MAPK10: variants seen among roughly 807,000 people sequenced by gnomAD.
MAPK10 encodes mitogen-activated protein kinase 10.
In MAPK10, 25 loss-of-function variants were observed where a neutral mutation model predicts 59.3. The ratio of observed to expected loss-of-function variants is 0.42; its 90% CI spans 0.31 to 0.59. MAPK10 has a LOEUF of 0.59. Among genes scored for constraint, MAPK10 ranks in the 20% least tolerant of loss-of-function variants. The pLI is 0.15. For synonymous variants in MAPK10, 190 were observed against 200.5 expected (o/e 0.95, Z 0.44); for missense variants, 351 against 568.9 (o/e 0.62, Z 3.90).
At chr4:86,240,251 G>C (rs545252091) in intron 2 of MAPK10, among the ~76,000 whole-genome samples, 1 of 152,210 alleles carries the variant, frequency 6.6e-6, no homozygotes, top group Non-Finnish European at 1.5e-5. Flanking sequence ...ACTTGCTGAG[G>C]AGTGTTTTAC....
At chr4:86,540,203 T>C (rs1758565483) in intron 1 of MAPK10, among the ~76,000 whole-genome samples, 1 of 152,200 alleles carries the variant, frequency 6.6e-6, no homozygotes, top group Admixed American at 6.5e-5. Context: ...ACCTTTGATA[T>C]GTAAGAACTG....
At chr4:86,034,638 C>T (rs983645731) in intron 11 of MAPK10, among the ~76,000 whole-genome samples, 23 of 152,220 alleles carry the variant, frequency 1.5e-4, no homozygotes, top group African/African-American at 5.3e-4. Flanking sequence ...AAGGAGTTCA[C>T]AATTTACTGG....
rs1239953035 is a variant in MAPK10 at position 86,029,254 on chromosome 4, T to C, written c.1195A>G (p.Met399Val). 6.2e-7 allele frequency: 1 copy of C among 1,609,282 alleles called. No individual in the cohort carries two copies. The highest frequency in any genetic ancestry group is 1.3e-5 in the African/African-American group (1 of 74,950). Residue 399 changes from methionine to valine, a missense_variant, in exon 13 of 14, where the codon ATG (methionine) becomes GTG (valine). Around this residue, in one of 5 missense-constraint regions of MAPK10, gnomAD observed 155 missense variants for 204.2 expected, o/e 0.76. Coordinates refer to ENST00000641462, the MANE Select transcript of MAPK10 (RefSeq NM_138982.4). ...EWKELIYKEV[M>V]NSEEKTKNGV... ...TTTTTAGTCTTTTCTTCTGAATTCATTACTTCCTTGTAGATAAGTTCTGTA... is the reference window on the plus strand; with the variant it reads ...TTTTTAGTCTTTTCTTCTGAATTCACTACTTCCTTGTAGATAAGTTCTGTA...
intron 12 of MAPK10, among the ~76,000 whole-genome samples, chr4:86,030,163 T>TA (rs2038669288): frequency 6.6e-6 from 1 of 152,132 alleles, no homozygotes; most frequent in Non-Finnish European, 1.5e-5. Context: ...TTCCTGTCCT[T>TA]ACTTGGATCA....
At chr4:86,547,858 C>G (rs935580377) in intron 1 of MAPK10, among the ~76,000 whole-genome samples, 7 of 152,182 alleles carry the variant, frequency 4.6e-5, no homozygotes, top group African/African-American at 1.7e-4. Context: ...AATCGACACT[C>G]TGTATTTAGC....
intron 1 of MAPK10, among the ~76,000 whole-genome samples, chr4:86,508,471 G>A (rs1363640511): frequency 1.3e-5 from 2 of 152,110 alleles, no homozygotes; most frequent in African/African-American, 4.8e-5. Context: ...TGTCCTTCTG[G>A]TTTGAGTTAT....
chr4:86,113,307 T>A lies in MAPK10; in HGVS notation c.237-5955A>T, dbSNP rs938787797. On this transcript the variant is annotated intron_variant, in intron 4 of 13. Coordinates refer to ENST00000641462, the MANE Select transcript of MAPK10 (RefSeq NM_138982.4). ...GCTTGTTAATATAGTTGCTTCATAG[T>A]GTCATTGGTCTCTGTACTCCAGCGT... 3.3e-5 allele frequency among the ~76,000 whole-genome samples: 5 copies of A among 152,200 alleles called. No individual in the cohort carries two copies. The East Asian group carries it at 9.6e-4, about 29-fold the overall frequency.
At position 86,405,134 on chromosome 4, in the gene MAPK10, T is replaced by C. The variant is rs577481634; in HGVS notation, c.-122+47896A>G. On this transcript the variant is annotated intron_variant, in intron 1 of 13. Coordinates refer to the MAPK10 transcript ENST00000361569. ...CAAACACAGAGTTCCATGTCTCTGA[T>C]TGGATTAGTCTCCTCTAGGCCTTTC... Among the ~76,000 whole-genome samples the C allele has an allele frequency of 3.9e-5, 6 of 152,292 alleles. No individual in the cohort carries two copies. The East Asian group carries it at 7.7e-4, about 20-fold the overall frequency.
chr4:86,487,008 G>A (rs541352216), intron 1 of MAPK10, among the ~76,000 whole-genome samples: 12 of 152,204 alleles, frequency 7.9e-5, no homozygotes, highest in Admixed American at 3.9e-4. Flanking sequence ...TCACATAGCC[G>A]TCTTATATTT....
intron 11 of MAPK10, among the ~76,000 whole-genome samples, chr4:86,041,360 AC>A (rs1426177367): frequency 6.6e-6 from 1 of 152,156 alleles, no homozygotes; most frequent in Admixed American, 6.6e-5. Flanking sequence ...TAAATGTAAA[AC>A]CCAAAACCAT....
intron 1 of MAPK10, among the ~76,000 whole-genome samples, chr4:86,507,655 T>TATATATATATATATATATATATAC (rs1755887058): frequency 1.8e-4 from 13 of 71,268 alleles, no homozygotes; most frequent in Non-Finnish European, 3.5e-4. Flanking sequence ...TATATATATA[T>TATATATATATATATATATATATAC]ATATATATAT....
chr4:86,150,937 A>C (rs2066291473), intron 4 of MAPK10, among the ~76,000 whole-genome samples: 1 of 152,122 alleles, frequency 6.6e-6, no homozygotes, highest in East Asian at 1.9e-4. Flanking sequence ...GACTATCAAG[A>C]AGTGTGATGA....
At chr4:86,139,380 A>T (rs1453795472) in intron 4 of MAPK10, among the ~76,000 whole-genome samples, 1 of 150,934 alleles carries the variant, frequency 6.6e-6, no homozygotes, top group Non-Finnish European at 1.5e-5. Flanking sequence ...ATAACGCCGC[A>T]TATCTACAAC....
chr4:86,580,574 A>C (rs1288930959), intron 1 of MAPK10, among the ~76,000 whole-genome samples: 4 of 152,174 alleles, frequency 2.6e-5, no homozygotes, highest in Admixed American at 2.0e-4. Flanking sequence ...GTACTTCTAA[A>C]TTTTAAATAT....
intron 2 of MAPK10, among the ~76,000 whole-genome samples, chr4:86,195,591 C>T (rs1319571643): frequency 2.0e-5 from 3 of 152,072 alleles, no homozygotes; most frequent in Non-Finnish European, 4.4e-5. Flanking sequence ...TTTTATTATA[C>T]TTTAAGTACT....
chr4:86,122,060 G>A (rs866020898), intron 4 of MAPK10, among the ~76,000 whole-genome samples: 10 of 151,878 alleles, frequency 6.6e-5, no homozygotes, highest in African/African-American at 2.4e-4. Context: ...TTTTTTTTGG[G>A]AGGGGCATTA....
intron 2 of MAPK10, among the ~76,000 whole-genome samples, chr4:86,291,065 T>C (rs1340303620): frequency 1.3e-5 from 2 of 152,192 alleles, no homozygotes; most frequent in African/African-American, 2.4e-5. Context: ...AGTGCAACTA[T>C]AGACAAGACC....
chr4:86,129,914 T>G (rs2060705294), intron 4 of MAPK10, among the ~76,000 whole-genome samples: 1 of 152,170 alleles, frequency 6.6e-6, no homozygotes, highest in Non-Finnish European at 1.5e-5. Flanking sequence ...AGACTCACTT[T>G]AAAAATTACA....
upstream of MAPK10, among the ~76,000 whole-genome samples, chr4:86,362,014 C>A (rs1292832977): frequency 6.6e-6 from 1 of 151,786 alleles, no homozygotes; most frequent in African/African-American, 2.4e-5. Flanking sequence ...TTGCCTATTT[C>A]AAAATAGCTA....
Sources: allele counts gnomAD v4.1 joint callset (sites outside exome capture counted in the v4.1 genomes callset), GRCh38; gene constraint gnomAD v4.1.1; regional missense constraint gnomAD v4.1.1; transcripts MANE v1.5; gene names NCBI Gene and HGNC (gene_info 2026-07-23, HGNC 2026-07-21).